GRIA2: variants seen among roughly 807,000 people sequenced by gnomAD.
GRIA2 encodes glutamate ionotropic receptor AMPA type subunit 2, also known as glutamate receptor 2.
Under a neutral mutation model 97.3 loss-of-function variants are expected in GRIA2, and 14 were observed. The observed-to-expected ratio is 0.14, with a 90% confidence interval of 0.10 to 0.23. GRIA2 has a LOEUF of 0.23. Among genes scored for constraint, GRIA2 ranks in the 10% least tolerant of loss-of-function variants. GRIA2 has a pLI of 1.00. For synonymous variants in GRIA2, 412 were observed against 387.8 expected (o/e 1.06, Z -0.73); for missense variants, 558 against 1,069.8 (o/e 0.52, Z 6.67).
At chr4:157,241,663 G>T (rs571519533) in intron 2 of GRIA2, among the ~76,000 whole-genome samples, 1 of 152,026 alleles carries the variant, frequency 6.6e-6, no homozygotes, top group South Asian at 2.1e-4. Context: ...CATCTGTTTG[G>T]CTGTGTAGAA....
intron 2 of GRIA2, among the ~76,000 whole-genome samples, chr4:157,278,323 A>G (rs1293563313): frequency 6.6e-6 from 1 of 151,950 alleles, no homozygotes; most frequent in African/African-American, 2.4e-5. Context: ...AGACTCATAT[A>G]AGTATAGTCA....
At chr4:157,223,487 A>G (rs1341786755) in intron 2 of GRIA2, among the ~76,000 whole-genome samples, 1 of 152,234 alleles carries the variant, frequency 6.6e-6, no homozygotes. Context: ...TACATGACAT[A>G]CAAAGAAATC....
chr4:157,260,775 T>C (rs182432297), intron 2 of GRIA2, among the ~76,000 whole-genome samples: 1 of 152,150 alleles, frequency 6.6e-6, no homozygotes, highest in Admixed American at 6.5e-5. Context: ...TTGTGATTGT[T>C]GGTGGTCTCC....
intron 6 of GRIA2, among the ~76,000 whole-genome samples, chr4:157,327,452 G>A (rs1335753120): frequency 2.6e-5 from 4 of 151,824 alleles, no homozygotes; most frequent in Non-Finnish European, 5.9e-5. Flanking sequence ...CATAGCACCA[G>A]GATTTACATG....
chr4:157,295,530 G>C lies in GRIA2; in HGVS notation c.230-8022G>C, dbSNP rs145942774. Reference sequence around the variant, plus strand: ...GTGCTAGGAACTTTGCTGGGCTCTGGGGAACAGGAGTGAACAAAGTAAAGG... The same window carrying C: ...GTGCTAGGAACTTTGCTGGGCTCTGCGGAACAGGAGTGAACAAAGTAAAGG... On this transcript the variant is annotated intron_variant, in intron 2 of 15. Transcript: ENST00000264426. Among the ~76,000 whole-genome samples the C allele has an allele frequency of 1.9e-3, 285 of 152,092 alleles. 2 individuals carry two copies. The highest frequency in any genetic ancestry group is 6.6e-3 in the African/African-American group (275 of 41,482).
chr4:157,321,985 A>C (rs1457766164), intron 6 of GRIA2, among the ~76,000 whole-genome samples: 1 of 152,108 alleles, frequency 6.6e-6, no homozygotes, highest in Non-Finnish European at 1.5e-5. Context: ...GAATGCCACG[A>C]GGGAAGAGAA....
At chr4:157,319,493 T>G (rs1734466538) in intron 5 of GRIA2, among the ~76,000 whole-genome samples, 1 of 152,194 alleles carries the variant, frequency 6.6e-6, no homozygotes, top group African/African-American at 2.4e-5. Context: ...TGAATTCAAG[T>G]CTTGTTTTTC....
At chr4:157,294,245 T>C (rs990888493) in intron 2 of GRIA2, among the ~76,000 whole-genome samples, 8 of 152,124 alleles carry the variant, frequency 5.3e-5, no homozygotes, top group Non-Finnish European at 1.2e-4. Context: ...AGAAATCTTA[T>C]AGTCATTTGA....
intron 2 of GRIA2, among the ~76,000 whole-genome samples, chr4:157,301,212 A>G (rs1733600753): frequency 6.6e-6 from 1 of 152,224 alleles, no homozygotes; most frequent in African/African-American, 2.4e-5. Flanking sequence ...CTGTCAGTAC[A>G]CATACACTTA....
intron 12 of GRIA2, among the ~76,000 whole-genome samples, chr4:157,349,576 A>G (rs9683871): frequency 0.18 from 27,946 of 151,214 alleles, 4,063 homozygotes; most frequent in African/African-American, 0.42. Context: ...TATTTCCTAA[A>G]GCAATGGTAG....
At chr4:157,312,641 G>A (rs371333839) in intron 3 of GRIA2, 38 bp from the exon 4 acceptor site, 432 of 1,150,640 alleles carry the variant, frequency 3.8e-4, no homozygotes, top group Non-Finnish European at 4.9e-4. Context: ...AGTTATTCAC[G>A]TATCTTTATC....
chr4:157,362,913 G>T lies in GRIA2; in HGVS notation c.2521G>T (p.Ala841Ser). 1 of 1,613,600 alleles carries T rather than the reference G, an allele frequency of 6.2e-7. No homozygotes were observed. ...GATTGAGTTCTGTTACAAGTCAAGG[G>T]CCGAGGCGAAACGAATGAAGGTGGC... ...ALIEFCYKSR[A>S]EAKRMKVAKN... The change falls in exon 15 of 16, where the codon GCC (alanine) becomes TCC (serine). Residue 841 changes from alanine (A) to serine (S), a missense_variant. Ala to Ser is a moderately conservative substitution (Grantham distance 99). Coordinates refer to ENST00000264426, the MANE Select transcript of GRIA2 (RefSeq NM_001083619.3).
Position 157,364,877 on chromosome 4 carries a change from G to A in GRIA2, c.*1446G>A, listed in dbSNP as rs552535916. On this transcript the variant is annotated 3_prime_UTR_variant, in exon 16 of 16. Transcript: ENST00000264426. ...ATGGCTATTTTAATATGCCCAGTGT[G>A]GATAAAATGTCACATTTCTGTAACT... The A allele has an allele frequency of 2.0e-5, 3 of 151,416 alleles. No homozygotes were observed. The highest frequency in any genetic ancestry group is 2.1e-4 in the South Asian group (1 of 4,802). The allele number at this position is 151,416 out of a possible 1,614,324, so 9.4% of individuals were successfully genotyped here.
chr4:157,356,349 AC>A (rs1361362970), intron 12 of GRIA2, among the ~76,000 whole-genome samples: 1 of 150,924 alleles, frequency 6.6e-6, no homozygotes, highest in East Asian at 1.9e-4. Context: ...ATGATTGTCA[AC>A]CCCTGTGTTT....
At chr4:157,287,489 T>C (rs1010685854) in intron 2 of GRIA2, among the ~76,000 whole-genome samples, 1 of 151,704 alleles carries the variant, frequency 6.6e-6, no homozygotes, top group African/African-American at 2.4e-5. Context: ...CTAGGTGTCC[T>C]GGTTGGAGGG....
rs970997952 is a variant in GRIA2, at chr4:157,355,425, G to A, written c.2044-4471G>A. Among the ~76,000 whole-genome samples, 131 of 151,344 alleles carry A rather than the reference G, an allele frequency of 8.7e-4. 1 individual carries two copies. The highest frequency in any genetic ancestry group is 3.7e-4 in the Non-Finnish European group (25 of 67,854). On this transcript the variant is annotated intron_variant, in intron 12 of 15. Transcript: ENST00000264426. The stretch of plus-strand genomic sequence containing the variant: ...TGCCTGTAATCCCAGCTACCCAGGA[G>A]GCTGAGGCAGGAGAATTGCTTGAAG...
intron 6 of GRIA2, among the ~76,000 whole-genome samples, chr4:157,322,242 AGTGTGTGTGTGT>A (rs35080512): frequency 1.2e-3 from 165 of 137,238 alleles, no homozygotes; most frequent in Middle Eastern, 3.6e-3. Context: ...AGAGAGAGAG[AGTGTGTGTGTGT>A]GTGTGTGTGT....
At chr4:157,356,501 T>G (rs1367030165) in intron 12 of GRIA2, among the ~76,000 whole-genome samples, 1 of 152,036 alleles carries the variant, frequency 6.6e-6, no homozygotes, top group Non-Finnish European at 1.5e-5. Flanking sequence ...TTTGCTCAAA[T>G]GTAGATGTTG....
intron 2 of GRIA2, among the ~76,000 whole-genome samples, chr4:157,222,591 C>T (rs1271083824): frequency 6.6e-6 from 1 of 152,178 alleles, no homozygotes; most frequent in Non-Finnish European, 1.5e-5. Context: ...AGCTTGCCAG[C>T]CCGGCGCGCT....
Sources: gnomAD v4.1 joint callset for allele counts (sites outside exome capture counted in the v4.1 genomes callset) on GRCh38, gnomAD v4.1.1 for gene constraint, MANE v1.5 for transcripts, NCBI Gene and HGNC (gene_info 2026-07-23, HGNC 2026-07-21) for gene names.